SLIT2: variants seen among roughly 807,000 people sequenced by gnomAD.
SLIT2 encodes slit guidance ligand 2.
SLIT2 carries 41 observed loss-of-function variants against 185.7 expected under a neutral mutation model. The ratio of observed to expected loss-of-function variants is 0.22; its 90% CI spans 0.17 to 0.29. The LOEUF is 0.29. Ranked by LOEUF, SLIT2 falls within the 10% of genes least tolerant of loss-of-function variation. SLIT2 has a pLI of 1.00. For missense variants in SLIT2, 1,571 were observed against 1,909.0 expected, an observed-to-expected ratio of 0.82 and a Z score of 3.30; for synonymous variants, 693 against 680.2, an observed-to-expected ratio of 1.02 and a Z score of -0.29.
At chr4:20,454,527 A>T (rs573704785) in intron 4 of SLIT2, among the ~76,000 whole-genome samples, 2 of 152,172 alleles carry the variant, frequency 1.3e-5, no homozygotes, top group South Asian at 4.1e-4. Context: ...CTCATTTATC[A>T]TTACTCAGTA....
chr4:20,550,804 AT>A, intron 24 of SLIT2, 22 bp from the exon 25 acceptor site: 1 of 1,520,142 alleles, frequency 6.6e-7, no homozygotes, highest in Non-Finnish European at 9.1e-7. Flanking sequence ...AGGAAGTTTA[AT>A]TTTTCTTTTT....
At chr4:20,427,371 T>C (rs1192440727) in intron 4 of SLIT2, among the ~76,000 whole-genome samples, 1 of 152,224 alleles carries the variant, frequency 6.6e-6, no homozygotes, top group Non-Finnish European at 1.5e-5. Context: ...AACCCATTTT[T>C]TTCATTTTCA....
chr4:20,267,792 A>G (rs1323012378), intron 3 of SLIT2, among the ~76,000 whole-genome samples: 2 of 151,648 alleles, frequency 1.3e-5, no homozygotes, highest in African/African-American at 2.4e-5. Context: ...CCCTTTTACT[A>G]TTTATCTTTA....
At chr4:20,405,852 T>C (rs1450430872) in intron 4 of SLIT2, among the ~76,000 whole-genome samples, 2 of 152,132 alleles carry the variant, frequency 1.3e-5, no homozygotes, top group East Asian at 3.9e-4. Context: ...CGAATACATA[T>C]ATTCATATGA....
Position 20,610,257 on chromosome 4 carries a change from G to A in SLIT2, c.3847+90G>A, listed in dbSNP as rs550639254. On this transcript the variant is annotated intron_variant, in intron 34 of 36. Coordinates refer to ENST00000504154, the MANE Select transcript of SLIT2 (RefSeq NM_004787.4). ...AAGTTTGTTAATGCCTAATATATCA[G>A]GATTTGTCATTGACCAATAGTGATC... 41 of 1,153,714 alleles carry A rather than the reference G, an allele frequency of 3.6e-5. No homozygotes were observed. The South Asian group carries it at 6.0e-4, about 17-fold the overall frequency. The allele number at this position is 1,153,714 out of a possible 1,614,324, so 71.5% of individuals were successfully genotyped here. A position where few individuals can be genotyped will look rare whatever the true frequency, so the allele number is the denominator to read the frequency against.
At chr4:20,606,908 A>T (rs907679337) in intron 33 of SLIT2, among the ~76,000 whole-genome samples, 1 of 152,176 alleles carries the variant, frequency 6.6e-6, no homozygotes, top group African/African-American at 2.4e-5. Context: ...AGTGGTGAAA[A>T]CACACGCCAT....
chr4:20,574,673 G>A (rs1177646723), intron 29 of SLIT2, among the ~76,000 whole-genome samples: 2 of 151,512 alleles, frequency 1.3e-5, no homozygotes, highest in East Asian at 3.9e-4. Context: ...TGTAGTCCCA[G>A]CCACTTGGGA....
chr4:20,589,003 T>G (rs1219516291), intron 29 of SLIT2, among the ~76,000 whole-genome samples: 2 of 152,248 alleles, frequency 1.3e-5, no homozygotes, highest in African/African-American at 4.8e-5. Flanking sequence ...ACCAAGTGTT[T>G]TTCTTATAGA....
intron 30 of SLIT2, 89 bp downstream of exon 30, chr4:20,589,826 A>G: frequency 2.5e-6 from 2 of 815,044 alleles, no homozygotes; most frequent in South Asian, 1.5e-5. Flanking sequence ...TTAGCTTCAC[A>G]CCTCTGCTCA....
Position 20,616,944 on chromosome 4 carries a change from C to T in SLIT2, c.3882C>T (p.Arg1294=). The T allele has an allele frequency of 6.2e-7, 1 of 1,609,238 alleles. No homozygotes were observed. The change falls in exon 35 of 37, where the codon CGC becomes CGT. Residue 1294 remains arginine, a synonymous_variant. Transcript: ENST00000504154. ...GGAAGAGTAACGTGGCATCTCTGCGCCAGGCCCCTGGGCAGAACGGAACCA... is the reference window on the plus strand; with the variant it reads ...GGAAGAGTAACGTGGCATCTCTGCGTCAGGCCCCTGGGCAGAACGGAACCA... ...MPGKSNVASL[R]QAPGQNGTSF...
At chr4:20,546,480 G>T (rs1723262398) in intron 22 of SLIT2, among the ~76,000 whole-genome samples, 1 of 152,084 alleles carries the variant, frequency 6.6e-6, no homozygotes, top group South Asian at 2.1e-4. Flanking sequence ...ATGGTAGGTG[G>T]TAATGACTTT....
At chr4:20,541,724 G>A (rs917385300) in intron 20 of SLIT2, 105 bp downstream of exon 20, 15 of 1,026,744 alleles carry the variant, frequency 1.5e-5, no homozygotes, top group Middle Eastern at 2.1e-4. Flanking sequence ...AATAATGATC[G>A]TGTATCTTTT....
rs74768387 is a variant in SLIT2 at position 20,285,987 on chromosome 4, T to C, written c.395+17106T>C. 2.6e-3 allele frequency among the ~76,000 whole-genome samples: 390 copies of C among 152,338 alleles called. 2 individuals carry two copies. Among genetic ancestry groups the C allele is most frequent in the Non-Finnish European group, 4.3e-3 (292 of 68,030 alleles). ...TCCAGAGGCTCTTCCAAGTGCCTTATTTATATTAATAGTGCTTCATTCGTT... is the reference window on the plus strand; with the variant it reads ...TCCAGAGGCTCTTCCAAGTGCCTTACTTATATTAATAGTGCTTCATTCGTT... On this transcript the variant is annotated intron_variant, in intron 4 of 36. Coordinates refer to ENST00000504154, the MANE Select transcript of SLIT2 (RefSeq NM_004787.4).
At chr4:20,471,503 A>T (rs1715012124) in intron 5 of SLIT2, among the ~76,000 whole-genome samples, 1 of 152,158 alleles carries the variant, frequency 6.6e-6, no homozygotes, top group African/African-American at 2.4e-5. Context: ...AAAACCCTGC[A>T]TGATGCCATT....
At chr4:20,344,850 T>C (rs560381112) in intron 4 of SLIT2, among the ~76,000 whole-genome samples, 229 of 152,358 alleles carry the variant, frequency 1.5e-3, no homozygotes, top group African/African-American at 5.0e-3. Context: ...TGTTATTTTT[T>C]CTGCACTTTT....
At chr4:20,537,631 G>T (rs1157844917) in intron 18 of SLIT2, among the ~76,000 whole-genome samples, 1 of 152,126 alleles carries the variant, frequency 6.6e-6, no homozygotes, top group Admixed American at 6.5e-5. Flanking sequence ...ACCTGAGACA[G>T]ATATTCACGG....
intron 4 of SLIT2, among the ~76,000 whole-genome samples, chr4:20,376,730 G>C (rs1276935918): frequency 1.3e-5 from 2 of 152,096 alleles, no homozygotes; most frequent in African/African-American, 4.8e-5. Flanking sequence ...GCAGGGACAT[G>C]GATGAAGCTG....
intron 11 of SLIT2, among the ~76,000 whole-genome samples, chr4:20,515,066 A>G (rs1720083795): frequency 6.6e-6 from 1 of 152,180 alleles, no homozygotes; most frequent in Non-Finnish European, 1.5e-5. Context: ...TTTTAAGTGT[A>G]GTATCATTGT....
intron 6 of SLIT2, among the ~76,000 whole-genome samples, chr4:20,485,028 C>T (rs16869667): frequency 0.066 from 10,065 of 152,174 alleles, 510 homozygotes; most frequent in African/African-American, 0.13. Context: ...GTATCAACTT[C>T]ATCCAACAGG....
Sources: allele counts gnomAD v4.1 joint callset (sites outside exome capture counted in the v4.1 genomes callset), GRCh38; gene constraint gnomAD v4.1.1; transcripts MANE v1.5; gene names NCBI Gene and HGNC (gene_info 2026-07-23, HGNC 2026-07-21).